The following CTNND2 variants were observed in gnomAD, a reference collection of about 807,000 sequenced individuals.
CTNND2 encodes catenin delta-2.
A neutral mutation model predicts 144.4 loss-of-function variants in CTNND2; 22 were observed. The ratio of observed to expected loss-of-function variants is 0.15; its 90% CI spans 0.11 to 0.22. The LOEUF is 0.22. Among genes scored for constraint, CTNND2 ranks in the 10% least tolerant of loss-of-function variants. CTNND2 has a pLI of 1.00. For missense variants in CTNND2, 1,353 were observed against 1,618.8 expected, an observed-to-expected ratio of 0.84 and a Z score of 2.82; for synonymous variants, 751 against 695.6, an observed-to-expected ratio of 1.08 and a Z score of -1.25.
intron 11 of CTNND2, among the ~76,000 whole-genome samples, chr5:11,161,904 C>T (rs1254554361): frequency 6.6e-6 from 1 of 152,102 alleles, no homozygotes; most frequent in Non-Finnish European, 1.5e-5. Flanking sequence ...GTAATATCAG[C>T]ACTTTGGGAG....
At chr5:11,387,492 C>T (rs549992370) in intron 6 of CTNND2, among the ~76,000 whole-genome samples, 11 of 152,262 alleles carry the variant, frequency 7.2e-5, no homozygotes, top group African/African-American at 2.4e-4. Context: ...AGAACTACCA[C>T]TAAGCTGCAG....
At chr5:11,082,988 C>T (rs973062935) in intron 15 of CTNND2, 142 bp from the exon 16 acceptor site, 11 of 888,398 alleles carry the variant, frequency 1.2e-5, no homozygotes, top group African/African-American at 3.4e-5. Context: ...GGGTTGAATA[C>T]GTTAGACATG....
intron 1 of CTNND2, among the ~76,000 whole-genome samples, chr5:11,806,214 T>G (rs1251340806): frequency 6.6e-6 from 1 of 152,094 alleles, no homozygotes; most frequent in African/African-American, 2.4e-5. Flanking sequence ...ACATGTGACA[T>G]AGTAATGTAA....
At chr5:11,112,645 A>G (rs1257948109) in intron 13 of CTNND2, among the ~76,000 whole-genome samples, 4 of 152,228 alleles carry the variant, frequency 2.6e-5, no homozygotes, top group Non-Finnish European at 5.9e-5. Flanking sequence ...AAGCTGGGGC[A>G]CAGTAAATGC....
At chr5:11,898,908 C>T (rs1737625980) in intron 1 of CTNND2, among the ~76,000 whole-genome samples, 1 of 152,158 alleles carries the variant, frequency 6.6e-6, no homozygotes. Context: ...CGTAATTATC[C>T]TAAAAATTAT....
intron 9 of CTNND2, 76 bp from the exon 10 acceptor site, chr5:11,236,899 T>C (rs1286116842): frequency 2.0e-6 from 3 of 1,496,534 alleles, no homozygotes; most frequent in African/African-American, 1.4e-5. Flanking sequence ...TTAGCTCGTG[T>C]ATGAAATGTA....
intron 1 of CTNND2, among the ~76,000 whole-genome samples, chr5:11,787,674 ATAATT>A (rs1435061847): frequency 2.6e-5 from 4 of 151,398 alleles, no homozygotes; most frequent in Admixed American, 2.6e-4. Flanking sequence ...ACACATTCCC[ATAATT>A]TAATAAAGGA....
At chr5:11,586,700 G>A (rs903225697) in intron 2 of CTNND2, among the ~76,000 whole-genome samples, 1 of 152,094 alleles carries the variant, frequency 6.6e-6, no homozygotes, top group African/African-American at 2.4e-5. Context: ...TTAATTGTGT[G>A]GATAAAATTT....
At chr5:11,819,207 G>C (rs186420079) in intron 1 of CTNND2, among the ~76,000 whole-genome samples, 4 of 152,314 alleles carry the variant, frequency 2.6e-5, no homozygotes, top group Non-Finnish European at 4.4e-5. Context: ...GCTGAGGCCG[G>C]CGGATCACTG....
At chr5:11,148,727 G>T (rs140820921) in intron 12 of CTNND2, among the ~76,000 whole-genome samples, 2 of 152,190 alleles carry the variant, frequency 1.3e-5, no homozygotes, top group Non-Finnish European at 2.9e-5. Context: ...CCTTCCCAAG[G>T]CCTCTGTGTT....
intron 2 of CTNND2, among the ~76,000 whole-genome samples, chr5:11,604,105 T>G (rs1238708502): frequency 6.6e-6 from 1 of 152,174 alleles, no homozygotes; most frequent in African/African-American, 2.4e-5. Flanking sequence ...AACACAGAAA[T>G]TTACTATTTC....
At chr5:11,321,566 G>A (rs2150069154) in intron 9 of CTNND2, among the ~76,000 whole-genome samples, 1 of 152,286 alleles carries the variant, frequency 6.6e-6, no homozygotes, top group African/African-American at 2.4e-5. Flanking sequence ...GGCATCTTGA[G>A]AATGATGTAT....
chr5:11,301,614 G>A (rs935441256), intron 9 of CTNND2, among the ~76,000 whole-genome samples: 1 of 152,108 alleles, frequency 6.6e-6, no homozygotes, highest in Non-Finnish European at 1.5e-5. Context: ...AAGTTTCATT[G>A]TTGAGAGAGA....
At chr5:11,128,590 A>C (rs2149710811) in intron 12 of CTNND2, among the ~76,000 whole-genome samples, 1 of 148,778 alleles carries the variant, frequency 6.7e-6, no homozygotes, top group Non-Finnish European at 1.5e-5. Context: ...TCTTCTCAGC[A>C]CCGTCTCCGA....
chr5:11,873,597 G>A (rs761142431), intron 1 of CTNND2, among the ~76,000 whole-genome samples: 16 of 152,144 alleles, frequency 1.1e-4, no homozygotes, highest in African/African-American at 3.4e-4. Context: ...TCACCTCTCC[G>A]TTCTGAACCA....
intron 12 of CTNND2, among the ~76,000 whole-genome samples, chr5:11,136,780 T>C (rs1756197600): frequency 6.6e-6 from 1 of 152,216 alleles, no homozygotes; most frequent in Non-Finnish European, 1.5e-5. Context: ...AAAATATATA[T>C]CGAAGCACAA....
At chr5:11,704,868 A>G (rs1785622228) in intron 2 of CTNND2, among the ~76,000 whole-genome samples, 1 of 151,836 alleles carries the variant, frequency 6.6e-6, no homozygotes, top group African/African-American at 2.4e-5. Flanking sequence ...AATCACACGT[A>G]ATAAAAATGG....
chr5:11,114,118 T>C (rs1438980965), intron 13 of CTNND2, among the ~76,000 whole-genome samples: 1 of 152,184 alleles, frequency 6.6e-6, no homozygotes, highest in East Asian at 1.9e-4. Context: ...CGACTCTCAT[T>C]GAAAGGAAAA....
chr5:11,211,018 T>A (rs1388590874), intron 10 of CTNND2, among the ~76,000 whole-genome samples: 1 of 152,252 alleles, frequency 6.6e-6, no homozygotes, highest in African/African-American at 2.4e-5. Flanking sequence ...TAGTCATTAT[T>A]TTGTAATCTT....
Sources: allele counts gnomAD v4.1 joint callset (sites outside exome capture counted in the v4.1 genomes callset), GRCh38; gene constraint gnomAD v4.1.1; transcripts MANE v1.5; gene names NCBI Gene and HGNC (gene_info 2026-07-23, HGNC 2026-07-21).